The following KCNH7 variants were observed in gnomAD, a reference collection of about 807,000 sequenced individuals.
The protein encoded by KCNH7 is voltage-gated inwardly rectifying potassium channel KCNH7.
A neutral mutation model predicts 120.8 loss-of-function variants in KCNH7; 49 were observed. That is an observed-to-expected ratio of 0.41 (90% CI 0.32 to 0.51). The LOEUF (loss-of-function observed/expected upper bound fraction) is 0.51. Ranked by LOEUF, KCNH7 falls within the 20% of genes least tolerant of loss-of-function variation. The pLI is 0.38. For synonymous variants in KCNH7, 547 were observed against 516.1 expected, an observed-to-expected ratio of 1.06 and a Z score of -0.81; for missense variants, 1,097 against 1,446.6, an observed-to-expected ratio of 0.76 and a Z score of 3.92.
intron 2 of KCNH7, among the ~76,000 whole-genome samples, chr2:162,561,007 T>C (rs889527294): frequency 6.6e-6 from 1 of 152,104 alleles, no homozygotes. Context: ...TATGGAACTA[T>C]AGTAGTTAGA....
chr2:162,749,520 G>A (rs1300072973), intron 2 of KCNH7, among the ~76,000 whole-genome samples: 1 of 152,104 alleles, frequency 6.6e-6, no homozygotes, highest in Admixed American at 6.6e-5. Context: ...AACATGTTAT[G>A]GAAGTAATGT....
intron 2 of KCNH7, among the ~76,000 whole-genome samples, chr2:162,723,090 T>A (rs552219216): frequency 6.6e-6 from 1 of 152,062 alleles, no homozygotes; most frequent in East Asian, 1.9e-4. Context: ...AAAGATGCTA[T>A]TTTATTTATA....
intron 2 of KCNH7, among the ~76,000 whole-genome samples, chr2:162,560,378 G>A (rs138060382): frequency 6.6e-6 from 1 of 152,178 alleles, no homozygotes; most frequent in Non-Finnish European, 1.5e-5. Context: ...AGGAGCAAAA[G>A]TATCACACCA....
At chr2:162,835,797 T>TA (rs1363938714) in intron 2 of KCNH7, among the ~76,000 whole-genome samples, 1 of 152,272 alleles carries the variant, frequency 6.6e-6, no homozygotes, top group East Asian at 1.9e-4. Context: ...GTCTAACTCT[T>TA]ACGGCTCTCA....
intron 2 of KCNH7, among the ~76,000 whole-genome samples, chr2:162,678,612 C>T (rs143738009): frequency 1.3e-5 from 2 of 151,428 alleles, no homozygotes; most frequent in African/African-American, 2.4e-5. Context: ...CAAACTCAAA[C>T]GAATATTCTG....
intron 3 of KCNH7, among the ~76,000 whole-genome samples, chr2:162,534,036 T>C (rs1692025101): frequency 6.6e-6 from 1 of 151,458 alleles, no homozygotes; most frequent in Non-Finnish European, 1.5e-5. Flanking sequence ...AAAAATACCT[T>C]TCCTACTGGA....
intron 6 of KCNH7, among the ~76,000 whole-genome samples, chr2:162,459,487 T>G (rs1689080154): frequency 6.6e-6 from 1 of 152,134 alleles, no homozygotes; most frequent in African/African-American, 2.4e-5. Flanking sequence ...GGTATGGCCA[T>G]GGGTCTGATT....
At chr2:162,763,066 T>C (rs192027080) in intron 2 of KCNH7, among the ~76,000 whole-genome samples, 14 of 152,262 alleles carry the variant, frequency 9.2e-5, no homozygotes, top group Admixed American at 8.5e-4. Flanking sequence ...TTCTCTCTTC[T>C]AATTTTTGTC....
intron 2 of KCNH7, among the ~76,000 whole-genome samples, chr2:162,754,529 G>A (rs973081088): frequency 6.6e-6 from 1 of 152,106 alleles, no homozygotes; most frequent in African/African-American, 2.4e-5. Context: ...ATTTCAATGT[G>A]GAGACATCCA....
chr2:162,588,304 T>C (rs1574139132), intron 2 of KCNH7, among the ~76,000 whole-genome samples: 1 of 152,258 alleles, frequency 6.6e-6, no homozygotes, highest in Non-Finnish European at 1.5e-5. Flanking sequence ...TTATGTTATC[T>C]TCATGTAATA....
intron 10 of KCNH7, among the ~76,000 whole-genome samples, chr2:162,397,736 G>A (rs1686956058): frequency 6.6e-6 from 1 of 151,864 alleles, no homozygotes; most frequent in Non-Finnish European, 1.5e-5. Flanking sequence ...GCCAGGCACT[G>A]TGTCAAATGC....
intron 2 of KCNH7, among the ~76,000 whole-genome samples, chr2:162,762,836 T>A (rs887880836): frequency 2.6e-5 from 4 of 152,110 alleles, no homozygotes; most frequent in African/African-American, 9.7e-5. Context: ...TGTAAAGGTA[T>A]AGGTAAACAT....
chr2:162,776,823 A>G (rs1462957945), intron 2 of KCNH7, among the ~76,000 whole-genome samples: 1 of 152,084 alleles, frequency 6.6e-6, no homozygotes, highest in Non-Finnish European at 1.5e-5. Context: ...TTCCCCATGG[A>G]GCTTTAACTG....
intron 12 of KCNH7, 26 bp from the exon 13 acceptor site, chr2:162,384,965 G>T (rs1171170970): frequency 6.4e-7 from 1 of 1,570,272 alleles, no homozygotes; most frequent in East Asian, 2.3e-5. Flanking sequence ...TCAAAGAAAA[G>T]TTATTTTATA....
At chr2:162,529,380 A>G (rs932413860) in intron 3 of KCNH7, among the ~76,000 whole-genome samples, 1 of 151,928 alleles carries the variant, frequency 6.6e-6, no homozygotes, top group Non-Finnish European at 1.5e-5. Flanking sequence ...TGGAATGTAA[A>G]AGAAGGGAAT....
chr2:162,451,415 G>C (rs1039462761), intron 6 of KCNH7, among the ~76,000 whole-genome samples: 34 of 152,010 alleles, frequency 2.2e-4, no homozygotes, highest in African/African-American at 8.0e-4. Context: ...AATTGTTTTA[G>C]TTATCTATTC....
At chr2:162,447,528 A>G (rs1216445060) in intron 6 of KCNH7, among the ~76,000 whole-genome samples, 1 of 152,110 alleles carries the variant, frequency 6.6e-6, no homozygotes, top group Non-Finnish European at 1.5e-5. Flanking sequence ...TGCTATGAAT[A>G]TCCCACACAT....
chr2:162,547,133 G>A (rs895894222), intron 2 of KCNH7, among the ~76,000 whole-genome samples: 2 of 152,130 alleles, frequency 1.3e-5, no homozygotes, highest in African/African-American at 4.8e-5. Context: ...GCGTGTGTCA[G>A]CGGAGGAAAA....
intron 9 of KCNH7, among the ~76,000 whole-genome samples, chr2:162,402,398 C>A (rs1181273754): frequency 6.8e-6 from 1 of 146,408 alleles, no homozygotes; most frequent in East Asian, 2.2e-4. Flanking sequence ...TGCTTGGGGG[C>A]CAGCATTTTA....
Sources: allele counts gnomAD v4.1 joint callset (sites outside exome capture counted in the v4.1 genomes callset), GRCh38; gene constraint gnomAD v4.1.1; transcripts MANE v1.5; gene names NCBI Gene and HGNC (gene_info 2026-07-23, HGNC 2026-07-21).